Variants in PSG2 observed in about 807,000 individuals in gnomAD.
The protein encoded by PSG2 is pregnancy-specific beta-1-glycoprotein 2.
A neutral mutation model predicts 36.2 loss-of-function variants in PSG2; 49 were observed. The ratio of observed to expected loss-of-function variants is 1.35; its 90% CI spans 1.08 to 1.72. The LOEUF is 1.72. PSG2 is among the 40% of genes most tolerant of loss of function. PSG2 has a pLI of 0.00. For missense variants in PSG2, 605 were observed against 407.2 expected (o/e 1.49, Z -4.18); for synonymous variants, 261 against 155.6 (o/e 1.68, Z -5.04).
At chr19:43,073,522 G>T (rs1239644103) in intron 3 of PSG2, among the ~76,000 whole-genome samples, 1 of 151,686 alleles carries the variant, frequency 6.6e-6, no homozygotes, top group Admixed American at 6.6e-5. Context: ...TGTGTTTGAT[G>T]GATATGAGAC....
At chr19:43,067,640 T>G (rs1967758192) in intron 4 of PSG2, among the ~76,000 whole-genome samples, 1 of 151,298 alleles carries the variant, frequency 6.6e-6, no homozygotes. Flanking sequence ...GTCATATGGC[T>G]AGTGACAGGG....
At chr19:43,065,414 G>T (rs375427051) in intron 5 of PSG2, 2 of 151,532 alleles carry the variant, frequency 1.3e-5, no homozygotes, top group African/African-American at 4.9e-5. Context: ...TCTACCTATT[G>T]CAACAGGAGT....
chr19:43,073,764 C>A (rs190710528), intron 3 of PSG2, among the ~76,000 whole-genome samples: 7 of 151,680 alleles, frequency 4.6e-5, no homozygotes, highest in Non-Finnish European at 4.4e-5. Flanking sequence ...GAGCTTGATG[C>A]CTATAGTTCA....
intron 4 of PSG2, among the ~76,000 whole-genome samples, chr19:43,069,567 A>T (rs530190918): frequency 3.3e-5 from 5 of 151,876 alleles, no homozygotes; most frequent in African/African-American, 1.2e-4. Context: ...ATATGGCCAA[A>T]TGATTTTCAT....
At position 43,064,275 on chromosome 19, in the gene PSG2, G is replaced by T. The variant is rs188890310; in HGVS notation, c.*367C>A. The stretch of plus-strand genomic sequence containing the variant: ...ACTCATGAATAGATTCCCAATTCTG[G>T]GGCACTCAGATAGAGAGCAAAAGGA... On this transcript the variant is annotated 3_prime_UTR_variant, in exon 6 of 6. Coordinates refer to ENST00000406487, the MANE Select transcript of PSG2 (RefSeq NM_031246.4). The T allele has an allele frequency of 3.5e-4, 72 of 204,576 alleles. No individual in the cohort carries two copies. In the East Asian group the frequency reaches 8.6e-3, roughly 25 times the overall value. The allele number at this position is 204,576 out of a possible 1,614,324, so 12.7% of individuals were successfully genotyped here. A position where few individuals can be genotyped will look rare whatever the true frequency, so the allele number is the denominator to read the frequency against.
At chr19:43,081,428 A>G (rs1267667268) in intron 1 of PSG2, among the ~76,000 whole-genome samples, 182 bp from the exon 2 acceptor site, 1 of 145,654 alleles carries the variant, frequency 6.9e-6, no homozygotes, top group African/African-American at 2.6e-5. Flanking sequence ...GTATGTGTGT[A>G]TGTGTGTGTG....
intron 4 of PSG2, among the ~76,000 whole-genome samples, chr19:43,068,977 A>G (rs1481857528): frequency 6.6e-6 from 1 of 151,806 alleles, no homozygotes; most frequent in Non-Finnish European, 1.5e-5. Context: ...TAAAGGTGGA[A>G]CAAACCTATT....
At chr19:43,080,376 TC>T (rs1441199294) in intron 2 of PSG2, among the ~76,000 whole-genome samples, 5 of 151,864 alleles carry the variant, frequency 3.3e-5, no homozygotes, top group Admixed American at 3.3e-4. Flanking sequence ...GACACAGTCC[TC>T]AGACAGCTGG....
rs1967986546 is a variant in PSG2 at position 43,082,120 on chromosome 19, C to CTTTTTTTTTTTTTTTTTT, written c.64+385_64+386insAAAAAAAAAAAAAAAAAA. ...TTCTTTCCTTTTATTTCTTTCTTCTCTCTTTTTTTTTTTTTTTTTTTTTTT... is the reference window on the plus strand; with the variant it reads ...TTCTTTCCTTTTATTTCTTTCTTCTCTTTTTTTTTTTTTTTTTTTCTTTTTTTTTTTTTTTTTTTTTTT... On this transcript the variant is annotated intron_variant, in intron 1 of 5. Transcript: ENST00000406487. The CTTTTTTTTTTTTTTTTTT allele has an allele frequency of 2.2e-5, 2 of 90,846 alleles. 1 individual carries two copies. Among genetic ancestry groups the CTTTTTTTTTTTTTTTTTT allele is most frequent in the Non-Finnish European group, 4.4e-5 (2 of 45,164 alleles). The allele number at this position is 90,846 out of a possible 1,614,324, so 5.6% of individuals were successfully genotyped here. A position where few individuals can be genotyped will look rare whatever the true frequency, so the allele number is the denominator to read the frequency against.
chr19:43,067,777 G>T (rs913277660), intron 4 of PSG2, among the ~76,000 whole-genome samples: 7 of 151,352 alleles, frequency 4.6e-5, no homozygotes, highest in African/African-American at 1.5e-4. Context: ...ATCTTTAAAA[G>T]AATGGTATGA....
At position 43,081,188 on chromosome 19, in the gene PSG2, C is replaced by A. The variant is rs1373532450; in HGVS notation, c.123G>T (p.Gln41His). ...CCTTCCCCTCGGAAACTTTTGGTGG[C>A]TGGGCTTCAATCGTGACTTGGGCAG... is the stretch of plus-strand genomic sequence containing the variant. Reference protein sequence around the residue: ...PTTAQVTIEAQPPKVSEGKDV... With the variant: ...PTTAQVTIEAHPPKVSEGKDV... The change falls in exon 2 of 6, where the codon CAG becomes CAT. Residue 41 changes from glutamine to histidine, a missense_variant. Gln to His is a conservative substitution (Grantham distance 24). Coordinates refer to ENST00000406487, the MANE Select transcript of PSG2 (RefSeq NM_031246.4). 4 of 1,612,666 alleles carry A rather than the reference C, an allele frequency of 2.5e-6. No homozygotes were observed. The highest frequency in any genetic ancestry group is 1.7e-4 in the Middle Eastern group (1 of 6,056).
intron 3 of PSG2, among the ~76,000 whole-genome samples, chr19:43,072,911 C>A (rs961363025): frequency 6.6e-6 from 1 of 151,688 alleles, no homozygotes; most frequent in African/African-American, 2.4e-5. Context: ...AGCCCCAGTA[C>A]CCCTCCCAGT....
At chr19:43,081,773 T>TGGAACCAA (rs1967979217) in intron 1 of PSG2, 1 of 162,528 alleles carries the variant, frequency 6.2e-6, no homozygotes, top group South Asian at 1.7e-4. Flanking sequence ...TGCACCCCAG[T>TGGAACCAA]GCCTGGAACA....
chr19:43,071,117 A>G (rs1008024814), intron 4 of PSG2, among the ~76,000 whole-genome samples: 1 of 151,350 alleles, frequency 6.6e-6, no homozygotes, highest in African/African-American at 2.4e-5. Context: ...TGGCAGCTCC[A>G]TTTAGCGAAA....
chr19:43,065,725 C>G (rs1967730400), intron 5 of PSG2: 1 of 151,650 alleles, frequency 6.6e-6, no homozygotes, highest in Non-Finnish European at 1.5e-5. Flanking sequence ...GTTTTTTGAA[C>G]ACATGAACTG....
intron 3 of PSG2, among the ~76,000 whole-genome samples, chr19:43,073,678 T>G (rs4405659): frequency 0.3 from 44,878 of 151,020 alleles, 8,762 homozygotes; most frequent in African/African-American, 0.53. Context: ...GAGCTGGGAG[T>G]GGGGAGAATC....
chr19:43,070,402 TC>T (rs1967799244), intron 4 of PSG2, among the ~76,000 whole-genome samples: 1 of 151,666 alleles, frequency 6.6e-6, no homozygotes, highest in Admixed American at 6.6e-5. Context: ...GCACTGATGT[TC>T]AGAGAAGCAT....
Position 43,075,435 on chromosome 19 carries a change from A to G in PSG2, c.628T>C (p.Tyr210His), listed in dbSNP as rs1967879922. The G allele has an allele frequency of 1.2e-6, 2 of 1,613,212 alleles. No homozygotes were observed. Among genetic ancestry groups the G allele is most frequent in the Admixed American group, 1.7e-5 (1 of 59,968 alleles). ...TCACATTCATAGGGTCCTGCAGTAT[A>G]CTTTGTGACACCAAATAGAAAGAGG... ...RTLFLFGVTK[Y>H]TAGPYECEIR... Residue 210 changes from tyrosine to histidine, a missense_variant, in exon 3 of 6, where the codon TAT (tyrosine) becomes CAT (histidine). Tyr to His is a moderately conservative substitution (Grantham distance 83). Coordinates refer to ENST00000406487, the MANE Select transcript of PSG2 (RefSeq NM_031246.4).
Position 43,071,951 on chromosome 19 carries a change from C to A in PSG2, c.713G>T (p.Gly238Val). ...AGGGTGAATTCTGGGGAGGTCTGGA[C>A]CATCTGGAGCAAAGAGAATAAAGCC... ...SDPVTLNLLH[G>V]PDLPRIHPSY... The change falls in exon 4 of 6, where the codon GGT (glycine) becomes GTT (valine). Residue 238 changes from glycine to valine, a missense_variant. Coordinates refer to ENST00000406487, the MANE Select transcript of PSG2 (RefSeq NM_031246.4). The A allele has an allele frequency of 1.9e-6, 3 of 1,612,130 alleles. 1 individual carries two copies. The highest frequency in any genetic ancestry group is 8.5e-7 in the Non-Finnish European group (1 of 1,179,054).
Sources: gnomAD v4.1 joint callset for allele counts (sites outside exome capture counted in the v4.1 genomes callset) on GRCh38, gnomAD v4.1.1 for gene constraint, MANE v1.5 for transcripts, NCBI Gene and HGNC (gene_info 2026-07-23, HGNC 2026-07-21) for gene names.